Variants in TASP1 observed in about 807,000 individuals in gnomAD.
TASP1 encodes the protein threonine aspartase 1.
A neutral mutation model predicts 56.6 loss-of-function variants in TASP1; 16 were observed. That is an observed-to-expected ratio of 0.28 (90% CI 0.19 to 0.43). The LOEUF is 0.43. Ranked by LOEUF, TASP1 falls within the 20% of genes least tolerant of loss-of-function variation. The pLI is 1.00. For missense variants in TASP1, 393 were observed against 511.6 expected, an observed-to-expected ratio of 0.77 and a Z score of 2.24; for synonymous variants, 179 against 184.2, an observed-to-expected ratio of 0.97 and a Z score of 0.23.
At chr20:13,158,463 A>C in the TASP1 span, among the ~76,000 whole-genome samples, 2 of 152,196 alleles carry the variant, frequency 1.3e-5, no homozygotes, top group Non-Finnish European at 2.9e-5. Context: ...ACATGCAGAC[A>C]GTGAAAGCGG....
intron 10 of TASP1, among the ~76,000 whole-genome samples, chr20:13,524,590 T>C (rs2044898825): frequency 6.6e-6 from 1 of 152,194 alleles, no homozygotes; most frequent in Non-Finnish European, 1.5e-5. Flanking sequence ...GAGTTTATCT[T>C]ACTGCCTCAA....
the TASP1 span, among the ~76,000 whole-genome samples, chr20:13,150,963 T>C: frequency 1.3e-5 from 2 of 152,230 alleles, 1 homozygote; most frequent in South Asian, 4.1e-4. Context: ...TAACACCAGA[T>C]AACATTTCTC....
At chr20:13,485,197 C>T (rs1407165056) in intron 10 of TASP1, among the ~76,000 whole-genome samples, 1 of 152,050 alleles carries the variant, frequency 6.6e-6, no homozygotes, top group African/African-American at 2.4e-5. Context: ...CCTCTTCAAC[C>T]AGAAACAAAT....
the TASP1 span, among the ~76,000 whole-genome samples, chr20:13,126,111 AC>A: frequency 6.6e-6 from 1 of 152,054 alleles, no homozygotes; most frequent in Non-Finnish European, 1.5e-5. Context: ...AGCTAGAAGG[AC>A]CCTCTCTCTT....
the TASP1 span, among the ~76,000 whole-genome samples, chr20:13,304,899 C>T: frequency 3.3e-5 from 5 of 152,282 alleles, no homozygotes; most frequent in East Asian, 1.9e-4. Context: ...TACTAGTACT[C>T]GCTGGAATCT....
the TASP1 span, among the ~76,000 whole-genome samples, chr20:13,262,045 G>A: frequency 1.8e-4 from 28 of 152,138 alleles, no homozygotes; most frequent in Non-Finnish European, 3.7e-4. Flanking sequence ...GGCCTTTTAG[G>A]TGCACTAATG....
At chr20:13,608,102 A>C (rs1343636414) in intron 4 of TASP1, among the ~76,000 whole-genome samples, 1 of 152,250 alleles carries the variant, frequency 6.6e-6, no homozygotes, top group African/African-American at 2.4e-5. Flanking sequence ...TAAAAGAGTT[A>C]CAAAAACAGG....
At chr20:13,370,186 A>G in the TASP1 span, among the ~76,000 whole-genome samples, 1 of 152,224 alleles carries the variant, frequency 6.6e-6, no homozygotes, top group Non-Finnish European at 1.5e-5. Flanking sequence ...AAGTTTGAAC[A>G]TGCTTGAAAC....
At chr20:13,494,513 C>T (rs2043651340) in intron 10 of TASP1, among the ~76,000 whole-genome samples, 1 of 152,092 alleles carries the variant, frequency 6.6e-6, no homozygotes, top group Admixed American at 6.6e-5. Flanking sequence ...CTCACTGACT[C>T]ACTGATTAAA....
Position 13,562,783 on chromosome 20 carries a change from G to A in TASP1, c.569-3669C>T, listed in dbSNP as rs147666620. Among the ~76,000 whole-genome samples the A allele has an allele frequency of 1.5e-4, 22 of 151,364 alleles. No individual in the cohort carries two copies. In the East Asian group the frequency reaches 4.3e-3, roughly 30 times the overall value. ...TCCCAGCTACTCCAGCAGCTGAGATGGGAGAATCATCTTAGTCTGGGCAGT... is the reference window on the plus strand; with the variant it reads ...TCCCAGCTACTCCAGCAGCTGAGATAGGAGAATCATCTTAGTCTGGGCAGT... On this transcript the variant is annotated intron_variant, in intron 7 of 13. Coordinates refer to ENST00000337743, the MANE Select transcript of TASP1 (RefSeq NM_017714.3).
At chr20:13,332,747 G>T in the TASP1 span, among the ~76,000 whole-genome samples, 1 of 152,188 alleles carries the variant, frequency 6.6e-6, no homozygotes, top group Non-Finnish European at 1.5e-5. Flanking sequence ...AGCATATGTG[G>T]TTGGCTAACA....
At chr20:13,232,809 T>C in the TASP1 span, among the ~76,000 whole-genome samples, 11 of 152,360 alleles carry the variant, frequency 7.2e-5, no homozygotes, top group African/African-American at 2.4e-4. Context: ...GGATGATATT[T>C]TTCTTGGTTA....
intron 11 of TASP1, among the ~76,000 whole-genome samples, chr20:13,443,665 T>C (rs946570673): frequency 2.6e-5 from 4 of 152,206 alleles, no homozygotes; most frequent in South Asian, 2.1e-4. Context: ...GACCCACTTA[T>C]TGTATTTGTG....
At chr20:13,255,135 G>A in the TASP1 span, among the ~76,000 whole-genome samples, 1 of 152,200 alleles carries the variant, frequency 6.6e-6, no homozygotes, top group East Asian at 1.9e-4. Flanking sequence ...CTTTTAAAGG[G>A]TGGGAAAGAA....
chr20:13,302,818 C>T, the TASP1 span, among the ~76,000 whole-genome samples: 1 of 152,152 alleles, frequency 6.6e-6, no homozygotes, highest in Non-Finnish European at 1.5e-5. Flanking sequence ...ATGCCCACGG[C>T]CCTCTAGTGG....
chr20:13,109,693 G>T, the TASP1 span, among the ~76,000 whole-genome samples: 1 of 152,202 alleles, frequency 6.6e-6, no homozygotes, highest in Non-Finnish European at 1.5e-5. Flanking sequence ...AGTGAGATCC[G>T]TGCAAACTCA....
intron 6 of TASP1, among the ~76,000 whole-genome samples, chr20:13,573,283 T>C (rs1207385612): frequency 6.6e-6 from 1 of 152,180 alleles, no homozygotes; most frequent in African/African-American, 2.4e-5. Context: ...TGGGATTGCA[T>C]TAGGAGGTGG....
chr20:13,212,833 C>G, the TASP1 span, among the ~76,000 whole-genome samples: 3 of 152,158 alleles, frequency 2.0e-5, no homozygotes, highest in Admixed American at 2.0e-4. Context: ...TCTCATTTAA[C>G]TTTCATCATC....
the TASP1 span, among the ~76,000 whole-genome samples, chr20:13,365,285 C>T: frequency 7.2e-5 from 11 of 151,970 alleles, no homozygotes; most frequent in African/African-American, 2.4e-4. Flanking sequence ...AGGAATTATC[C>T]TAGACATTAG....
Sources: allele counts gnomAD v4.1 joint callset (sites outside exome capture counted in the v4.1 genomes callset), GRCh38; gene constraint gnomAD v4.1.1; transcripts MANE v1.5; gene names NCBI Gene and HGNC (gene_info 2026-07-23, HGNC 2026-07-21).